Variants in CCDC171 observed in about 807,000 individuals in gnomAD.
The protein encoded by CCDC171 is coiled-coil domain containing 171.
CCDC171 carries 177 observed loss-of-function variants against 168.2 expected under a neutral mutation model. That is an observed-to-expected ratio of 1.05 (90% CI 0.93 to 1.19). The LOEUF is 1.19. Ranked by LOEUF, CCDC171 falls within the 50% of genes most tolerant of loss-of-function variation. The pLI is 0.00. For synonymous variants in CCDC171, 687 were observed against 540.8 expected (o/e 1.27, Z -3.75); for missense variants, 1,991 against 1,539.0 (o/e 1.29, Z -4.91).
chr9:15,903,333 A>C (rs1205687735), intron 24 of CCDC171, among the ~76,000 whole-genome samples: 1 of 152,026 alleles, frequency 6.6e-6, no homozygotes, highest in African/African-American at 2.4e-5. Flanking sequence ...CTGAGACAAA[A>C]CTTCCAGAGG....
chr9:15,803,018 C>A (rs1352588184), intron 21 of CCDC171, among the ~76,000 whole-genome samples: 1 of 152,064 alleles, frequency 6.6e-6, no homozygotes, highest in African/African-American at 2.4e-5. Context: ...TGATGTTGAG[C>A]TTATTTTCAT....
At chr9:15,986,274 GAATAAACAC>G (rs1369280828) in intron 3 of CCDC171, among the ~76,000 whole-genome samples, 1 of 152,220 alleles carries the variant, frequency 6.6e-6, no homozygotes, top group African/African-American at 2.4e-5. Flanking sequence ...TCTGCGATGT[GAATAAACAC>G]AAGCTGATAA....
intron 23 of CCDC171, among the ~76,000 whole-genome samples, chr9:15,869,573 C>A (rs1287930443): frequency 6.7e-6 from 1 of 149,466 alleles, no homozygotes; most frequent in Non-Finnish European, 1.5e-5. Context: ...ATATGGTTAA[C>A]TCTGGCTAGT....
At chr9:15,901,182 G>A (rs1269218488) in intron 24 of CCDC171, among the ~76,000 whole-genome samples, 1 of 152,186 alleles carries the variant, frequency 6.6e-6, no homozygotes, top group Non-Finnish European at 1.5e-5. Context: ...GTGGTTGCCA[G>A]GAGTTAGAGG....
intron 21 of CCDC171, among the ~76,000 whole-genome samples, chr9:15,807,921 C>T (rs749195640): frequency 1.1e-4 from 17 of 151,482 alleles, no homozygotes; most frequent in Non-Finnish European, 2.5e-4. Flanking sequence ...TATGGCTCCT[C>T]TCATTTCTTT....
At chr9:15,728,252 C>T (rs1039532446) in intron 15 of CCDC171, among the ~76,000 whole-genome samples, 1 of 152,104 alleles carries the variant, frequency 6.6e-6, no homozygotes, top group South Asian at 2.1e-4. Flanking sequence ...CTCTAAGCTC[C>T]ACTTTCTGTG....
chr9:15,941,161 C>G (rs536113676), intron 25 of CCDC171, among the ~76,000 whole-genome samples: 1 of 152,034 alleles, frequency 6.6e-6, no homozygotes, highest in Non-Finnish European at 1.5e-5. Flanking sequence ...TCATTAACAA[C>G]AGTAATAGCA....
intron 21 of CCDC171, among the ~76,000 whole-genome samples, chr9:15,833,051 G>A (rs1403623105): frequency 3.0e-5 from 4 of 131,692 alleles, no homozygotes; most frequent in East Asian, 2.3e-4. Context: ...GCAGTGGCGC[G>A]ATTTCGGCTC....
chr9:16,081,572 A>G, the CCDC171 span, among the ~76,000 whole-genome samples: 1,217 of 152,324 alleles, frequency 8.0e-3, 12 homozygotes, highest in Non-Finnish European at 0.013. Flanking sequence ...ACACCAGCAC[A>G]TGCAGAAGGG....
the CCDC171 span, among the ~76,000 whole-genome samples, chr9:16,086,680 A>G: frequency 6.6e-6 from 1 of 151,948 alleles, no homozygotes; most frequent in African/African-American, 2.4e-5. Context: ...AGATTCATTG[A>G]GTTTTTGAAG....
intron 3 of CCDC171, among the ~76,000 whole-genome samples, chr9:15,979,347 A>G (rs1831721520): frequency 6.6e-6 from 1 of 152,214 alleles, no homozygotes; most frequent in Non-Finnish European, 1.5e-5. Context: ...AGCAAGAGTG[A>G]ACATACTTGT....
intron 6 of CCDC171, among the ~76,000 whole-genome samples, chr9:15,621,886 C>G (rs1234752163): frequency 2.6e-5 from 4 of 152,114 alleles, no homozygotes; most frequent in African/African-American, 9.7e-5. Context: ...AACCTAAATG[C>G]TTATCAGTGT....
chr9:15,929,771 C>G lies in CCDC171; in HGVS notation c.3753+9349C>G, dbSNP rs529053845. On this transcript the variant is annotated intron_variant, in intron 25 of 25. Coordinates refer to ENST00000380701, the MANE Select transcript of CCDC171 (RefSeq NM_173550.4). ...TATCCTTCCAAAACACAGATATGGTCAGGTCATAGCATTACTGAAAACATT... is the reference window on the plus strand; with the variant it reads ...TATCCTTCCAAAACACAGATATGGTGAGGTCATAGCATTACTGAAAACATT... Among the ~76,000 whole-genome samples, 273 of 151,826 alleles carry G rather than the reference C, an allele frequency of 1.8e-3. 2 individuals are homozygous for G. The highest frequency in any genetic ancestry group is 6.3e-3 in the African/African-American group (260 of 41,478).
intron 25 of CCDC171, among the ~76,000 whole-genome samples, chr9:15,953,652 A>G (rs1489901753): frequency 1.3e-5 from 2 of 152,078 alleles, no homozygotes; most frequent in Non-Finnish European, 2.9e-5. Context: ...CTTGTGATAC[A>G]TTTGTCTGGC....
intron 8 of CCDC171, among the ~76,000 whole-genome samples, chr9:15,661,956 A>G (rs965433251): frequency 6.6e-6 from 1 of 152,192 alleles, no homozygotes; most frequent in African/African-American, 2.4e-5. Context: ...GTATCTACCT[A>G]TTTTACTCCC....
intron 7 of CCDC171, among the ~76,000 whole-genome samples, chr9:15,635,910 G>A (rs945580028): frequency 8.5e-5 from 13 of 152,110 alleles, no homozygotes; most frequent in African/African-American, 2.9e-4. Context: ...CACCAGCAAG[G>A]TATAAGGGTT....
intron 18 of CCDC171, among the ~76,000 whole-genome samples, chr9:15,749,680 G>T (rs1245412840): frequency 6.6e-6 from 1 of 152,086 alleles, no homozygotes; most frequent in Non-Finnish European, 1.5e-5. Flanking sequence ...ACTCTAAACC[G>T]CTCAACTACA....
chr9:15,898,324 A>G (rs1028394997), intron 24 of CCDC171, among the ~76,000 whole-genome samples: 1 of 152,142 alleles, frequency 6.6e-6, no homozygotes, highest in Non-Finnish European at 1.5e-5. Context: ...TGAGTGGAGA[A>G]TTGAGCTGAG....
Position 15,745,629 on chromosome 9 carries a change from C to A in CCDC171, c.2669C>A (p.Ala890Glu). 6.4e-7 allele frequency: 1 copy of A among 1,551,612 alleles called. No individual in the cohort carries two copies. Among genetic ancestry groups the A allele is most frequent in the Non-Finnish European group, 8.7e-7 (1 of 1,150,664 alleles). ...MAELQDVIGKADPNSRICGHL... is the reference protein window; with the variant it reads ...MAELQDVIGKEDPNSRICGHL... The stretch of plus-strand genomic sequence containing the variant: ...GAATTACAAGACGTCATTGGTAAAG[C>A]AGGTATGGTTCCTTCTTTTATGTCC... Residue 890 changes from alanine (A) to glutamate (E), a missense_variant and splice_region_variant, in exon 18 of 26, where the codon GCA becomes GAA. Physicochemically the swap from Ala to Glu is moderately radical, Grantham distance 107. Transcript: ENST00000380701.
Sources: gnomAD v4.1 joint callset for allele counts (sites outside exome capture counted in the v4.1 genomes callset) on GRCh38, gnomAD v4.1.1 for gene constraint, MANE v1.5 for transcripts, NCBI Gene and HGNC (gene_info 2026-07-23, HGNC 2026-07-21) for gene names.